TSTD2: variants seen among roughly 807,000 people sequenced by gnomAD.
TSTD2 encodes the protein thiosulfate sulfurtransferase like domain containing 2, also known as thiosulfate sulfurtransferase/rhodanese-like domain-containing protein 2.
Under a neutral mutation model 47.9 loss-of-function variants are expected in TSTD2, and 37 were observed. The ratio of observed to expected loss-of-function variants is 0.77; its 90% confidence interval spans 0.59 to 1.02. TSTD2 has a LOEUF of 1.02. TSTD2 is among the 50% of genes least tolerant of loss of function. TSTD2 has a pLI of 0.00. For missense variants in TSTD2, 586 were observed against 616.0 expected (o/e 0.95, Z 0.52); for synonymous variants, 201 against 215.9 (o/e 0.93, Z 0.61).
chr9:97,605,497 AG>A lies in TSTD2; in HGVS notation c.1098del (p.Tyr367ThrfsTer76). 1 of 1,613,716 alleles carries A rather than the reference AG, an allele frequency of 6.2e-7. No homozygotes were observed. Among genetic ancestry groups the A allele is most frequent in the Non-Finnish European group, 8.5e-7 (1 of 1,179,890 alleles). On this transcript the variant is annotated frameshift_variant, in exon 8 of 10. Transcript: ENST00000341170. LOFTEE classifies it high-confidence loss of function. ...TGGIRCERGS[A>X]YLKAKGVCKE... Reference sequence around the variant, plus strand: ...TGGTGGCTCACCTTGGCTTTGAGGTAGGCTGAACCCCGCTCACAGCGGATGC... The same window carrying A: ...TGGTGGCTCACCTTGGCTTTGAGGTAGCTGAACCCCGCTCACAGCGGATGC...
Position 97,625,787 on chromosome 9 carries a change from A to G in TSTD2, c.376T>C (p.Ser126Pro), listed in dbSNP as rs1826708886. The G allele has an allele frequency of 6.2e-7, 1 of 1,614,064 alleles. No individual in the cohort carries two copies. The highest frequency in any genetic ancestry group is 1.3e-5 in the African/African-American group (1 of 74,940). Reference sequence around the variant, plus strand: ...AAAGGGTTCTTTTCATCTGCAGACGAAAGACTCTTTGAGGTGCTCAATGTC... The same window carrying G: ...AAAGGGTTCTTTTCATCTGCAGACGGAAGACTCTTTGAGGTGCTCAATGTC... ...AVTLSTSKSL[S>P]SADEKNPLKE... The change falls in exon 3 of 10, where the codon TCG becomes CCG. Residue 126 changes from serine (S) to proline (P), a missense_variant. Transcript: ENST00000341170.
At chr9:97,617,121 T>C (rs1447399837) in intron 4 of TSTD2, among the ~76,000 whole-genome samples, 1 of 152,152 alleles carries the variant, frequency 6.6e-6, no homozygotes, top group Non-Finnish European at 1.5e-5. Flanking sequence ...CAGAAAGGGA[T>C]AGAATGTGAT....
intron 3 of TSTD2, 126 bp from the exon 4 acceptor site, chr9:97,618,003 GTGA>G (rs1387506092): frequency 1.3e-5 from 16 of 1,275,996 alleles, no homozygotes; most frequent in Non-Finnish European, 1.6e-5. Flanking sequence ...TGTCTTTGCT[GTGA>G]TGATTGTTCT....
At chr9:97,614,611 A>G (rs907528550) in intron 4 of TSTD2, among the ~76,000 whole-genome samples, 2 of 152,202 alleles carry the variant, frequency 1.3e-5, no homozygotes, top group Non-Finnish European at 2.9e-5. Context: ...TAAGGAGACA[A>G]TATGTGAGCC....
intron 1 of TSTD2, among the ~76,000 whole-genome samples, chr9:97,632,494 C>T (rs1826843526): frequency 6.7e-6 from 1 of 149,482 alleles, no homozygotes; most frequent in Non-Finnish European, 1.5e-5. Flanking sequence ...ACCTCGGCCC[C>T]CAACCCTCCC....
chr9:97,620,453 G>T (rs1826615820), intron 3 of TSTD2, among the ~76,000 whole-genome samples: 1 of 152,160 alleles, frequency 6.6e-6, no homozygotes, highest in Non-Finnish European at 1.5e-5. Flanking sequence ...AGTAGAGTGG[G>T]GTGCTGCTGA....
At chr9:97,619,103 T>C (rs1314918215) in intron 3 of TSTD2, among the ~76,000 whole-genome samples, 1 of 152,232 alleles carries the variant, frequency 6.6e-6, no homozygotes, top group African/African-American at 2.4e-5. Flanking sequence ...CACCGTCCTA[T>C]ATAACTCATT....
Position 97,625,727 on chromosome 9 carries a change from C to G in TSTD2, c.436G>C (p.Ala146Pro), listed in dbSNP as rs767963850. Residue 146 changes from alanine to proline, a missense_variant, in exon 3 of 10, where the codon GCT becomes CCT. Transcript: ENST00000341170. Reference sequence around the variant, plus strand: ...AAGCAGCTTATATCAGGGAGCCAAGCAGACACGTCATGGCTATGTGGAAGG... The same window carrying G: ...AAGCAGCTTATATCAGGGAGCCAAGGAGACACGTCATGGCTATGTGGAAGG... ...ECLPHSHDVS[A>P]WLPDISCFNP... 6 of 1,614,060 alleles carry G rather than the reference C, an allele frequency of 3.7e-6. No homozygotes were observed. Among genetic ancestry groups the G allele is most frequent in the South Asian group, 1.1e-5 (1 of 91,068 alleles).
Position 97,611,710 on chromosome 9 carries a change from A to G in TSTD2, c.604-11T>C. On this transcript the variant is annotated splice_polypyrimidine_tract_variant and intron_variant, in intron 4 of 9. Coordinates refer to ENST00000341170, the MANE Select transcript of TSTD2 (RefSeq NM_139246.5). ...TGCAGCAATTCGAATCTGAGACACA[A>G]GACGGTGAAAAAGAGAACAGATTGT... 1.3e-6 allele frequency: 2 copies of G among 1,596,444 alleles called. No individual in the cohort carries two copies. The highest frequency in any genetic ancestry group is 1.7e-6 in the Non-Finnish European group (2 of 1,165,334).
At chr9:97,616,096 T>C (rs1272099910) in intron 4 of TSTD2, among the ~76,000 whole-genome samples, 2 of 152,052 alleles carry the variant, frequency 1.3e-5, no homozygotes, top group African/African-American at 2.4e-5. Context: ...GTCATGAAAA[T>C]TGAAAACTAA....
intron 1 of TSTD2, among the ~76,000 whole-genome samples, chr9:97,629,699 TC>T (rs1297218964): frequency 1.3e-5 from 2 of 152,182 alleles, no homozygotes; most frequent in African/African-American, 4.8e-5. Context: ...TCAACACACT[TC>T]CTCCATGCTC....
chr9:97,628,925 T>C lies in TSTD2; in HGVS notation c.-50-1313A>G, dbSNP rs530131683. Reference sequence around the variant, plus strand: ...ACCACTAGACCCTTCAGATTCCAGATTGGCCTCTGAGCTGAGAGCAGAGAC... The same window carrying C: ...ACCACTAGACCCTTCAGATTCCAGACTGGCCTCTGAGCTGAGAGCAGAGAC... On this transcript the variant is annotated intron_variant, in intron 1 of 9. Coordinates refer to ENST00000341170, the MANE Select transcript of TSTD2 (RefSeq NM_139246.5). Among the ~76,000 whole-genome samples, 8 of 152,276 alleles carry C rather than the reference T, an allele frequency of 5.3e-5. No homozygotes were observed. The South Asian group carries it at 6.2e-4, about 12-fold the overall frequency.
chr9:97,628,522 T>C (rs574361517), intron 1 of TSTD2, among the ~76,000 whole-genome samples: 10 of 152,318 alleles, frequency 6.6e-5, no homozygotes, highest in Non-Finnish European at 1.3e-4. Context: ...TGGCACAAAC[T>C]AGGGTTCAAT....
chr9:97,613,793 A>G (rs1041196681), intron 4 of TSTD2, among the ~76,000 whole-genome samples: 1 of 151,900 alleles, frequency 6.6e-6, no homozygotes, highest in African/African-American at 2.4e-5. Flanking sequence ...GGGTCCAGAG[A>G]AGACACATCA....
chr9:97,600,350 CAA>C lies in TSTD2; in HGVS notation c.*2117_*2118del. 1.0e-6 allele frequency: 1 copy of C among 986,114 alleles called. No homozygotes were observed. Among genetic ancestry groups the C allele is most frequent in the Non-Finnish European group, 1.2e-6 (1 of 830,210 alleles). 61.1% of individuals were successfully genotyped at this position (986,114 alleles called of 1,614,324 possible). Reference sequence around the variant, plus strand: ...AAACCAATGGTGAAATTTCAAGTTTCAAAAACCAACCTTTCATTACCAATCCC... The same window carrying C: ...AAACCAATGGTGAAATTTCAAGTTTCAAACCAACCTTTCATTACCAATCCC... On this transcript the variant is annotated 3_prime_UTR_variant, in exon 10 of 10. Coordinates refer to ENST00000341170, the MANE Select transcript of TSTD2 (RefSeq NM_139246.5).
chr9:97,632,384 T>C (rs1826840176), intron 1 of TSTD2, among the ~76,000 whole-genome samples: 1 of 151,860 alleles, frequency 6.6e-6, no homozygotes, highest in Admixed American at 6.6e-5. Flanking sequence ...TAGGAGACTT[T>C]TTTTTTTTGA....
At chr9:97,627,248 T>C (rs1826737146) in intron 2 of TSTD2, 150 bp downstream of exon 2, 22 of 1,353,008 alleles carry the variant, frequency 1.6e-5, no homozygotes, top group Non-Finnish European at 1.9e-5. Context: ...TGCCTATGAT[T>C]ACCCTTTGCC....
chr9:97,607,927 A>AT lies in TSTD2; in HGVS notation c.836-1667dup, dbSNP rs373543601. On this transcript the variant is annotated intron_variant, in intron 6 of 9. Transcript: ENST00000341170. Reference sequence around the variant, plus strand: ...GTGGGTGAGGCAGCTCTCGCCTATAATCCCAGCACTTTGGGAAGCTGAGGC... The same window carrying AT: ...GTGGGTGAGGCAGCTCTCGCCTATAATTCCCAGCACTTTGGGAAGCTGAGGC... Among the ~76,000 whole-genome samples the AT allele has an allele frequency of 1.5e-3, 235 of 152,252 alleles. 1 individual carries two copies. Among genetic ancestry groups the AT allele is most frequent in the African/African-American group, 5.5e-3 (227 of 41,552 alleles).
At chr9:97,617,946 T>TA in intron 3 of TSTD2, 69 bp from the exon 4 acceptor site, 1 of 1,561,724 alleles carries the variant, frequency 6.4e-7, no homozygotes, top group Non-Finnish European at 8.7e-7. Context: ...ATTCATAAAA[T>TA]ACACCCAGGC....
Sources: gnomAD v4.1 joint callset for allele counts (sites outside exome capture counted in the v4.1 genomes callset) on GRCh38, gnomAD v4.1.1 for gene constraint, MANE v1.5 for transcripts, NCBI Gene and HGNC (gene_info 2026-07-23, HGNC 2026-07-21) for gene names.